The following PARD3B variants were observed in gnomAD, a reference collection of about 807,000 sequenced individuals.
The protein encoded by PARD3B is par-3 family cell polarity regulator beta, also known as partitioning defective 3 homolog B.
PARD3B carries 103 observed loss-of-function variants against 130.2 expected under a neutral mutation model. The ratio of observed to expected loss-of-function variants is 0.79; its 90% CI spans 0.67 to 0.93. PARD3B has a LOEUF of 0.93. Ranked by LOEUF, PARD3B falls within the 40% of genes least tolerant of loss-of-function variation. The probability of loss-of-function intolerance (pLI) is 0.00; values close to 1 mark genes in which losing one functional copy is unlikely to be tolerated. For synonymous variants in PARD3B, 583 were observed against 553.2 expected, an observed-to-expected ratio of 1.05 and a Z score of -0.76; for missense variants, 1,609 against 1,499.2, an observed-to-expected ratio of 1.07 and a Z score of -1.21.
intron 13 of PARD3B, among the ~76,000 whole-genome samples, chr2:205,178,361 G>A (rs2035602285): frequency 6.6e-6 from 1 of 152,026 alleles, no homozygotes; most frequent in Non-Finnish European, 1.5e-5. Context: ...GCTGAGGCAG[G>A]AGAATGGTGT....
At chr2:204,692,906 T>C (rs552619923) in intron 2 of PARD3B, among the ~76,000 whole-genome samples, 2 of 152,062 alleles carry the variant, frequency 1.3e-5, no homozygotes, top group Non-Finnish European at 2.9e-5. Flanking sequence ...GGAAATATCC[T>C]ACCCAGGAAG....
chr2:205,003,135 A>G (rs1002605240), intron 3 of PARD3B, among the ~76,000 whole-genome samples: 5 of 152,302 alleles, frequency 3.3e-5, no homozygotes, highest in East Asian at 1.9e-4. Flanking sequence ...AAAGCCGGCA[A>G]TGGCCGTCCG....
intron 2 of PARD3B, among the ~76,000 whole-genome samples, chr2:204,896,314 G>A (rs1046955003): frequency 2.0e-5 from 3 of 152,138 alleles, no homozygotes; most frequent in African/African-American, 7.2e-5. Context: ...GAGGAAGTTG[G>A]TCTTGGCCTC....
intron 16 of PARD3B, among the ~76,000 whole-genome samples, chr2:205,295,289 C>G (rs1478380642): frequency 6.6e-6 from 1 of 152,160 alleles, no homozygotes; most frequent in Non-Finnish European, 1.5e-5. Flanking sequence ...GTTGACTGCT[C>G]ATAATAAGGC....
chr2:204,946,800 G>T (rs1689364036), intron 2 of PARD3B, among the ~76,000 whole-genome samples: 1 of 152,166 alleles, frequency 6.6e-6, no homozygotes, highest in African/African-American at 2.4e-5. Context: ...CAGATAGCCT[G>T]AGTACCAGGA....
chr2:205,313,121 G>A (rs994390001), intron 18 of PARD3B, among the ~76,000 whole-genome samples: 2 of 152,104 alleles, frequency 1.3e-5, no homozygotes, highest in African/African-American at 2.4e-5. Context: ...AAATGATGGC[G>A]ATAGATGCAA....
chr2:204,634,840 C>G (rs73984259), intron 1 of PARD3B, among the ~76,000 whole-genome samples: 7,978 of 152,156 alleles, frequency 0.052, 381 homozygotes, highest in African/African-American at 0.12. Flanking sequence ...TGGGGGCTCA[C>G]AAGATAGTCA....
chr2:204,586,207 A>G (rs759545293), intron 1 of PARD3B, among the ~76,000 whole-genome samples: 8 of 152,224 alleles, frequency 5.3e-5, no homozygotes, highest in Non-Finnish European at 1.0e-4. Context: ...GATTAATTCC[A>G]TCATAAATGC....
intron 2 of PARD3B, among the ~76,000 whole-genome samples, chr2:204,798,468 G>A (rs1293348430): frequency 6.6e-6 from 1 of 152,158 alleles, no homozygotes; most frequent in South Asian, 2.1e-4. Context: ...AGGCCACAAG[G>A]ACTGCAATTC....
At chr2:204,965,948 C>G (rs1218376113) in intron 3 of PARD3B, among the ~76,000 whole-genome samples, 1 of 152,094 alleles carries the variant, frequency 6.6e-6, no homozygotes, top group African/African-American at 2.4e-5. Flanking sequence ...ATAAATTTAG[C>G]TCAATTTAAC....
intron 15 of PARD3B, among the ~76,000 whole-genome samples, chr2:205,226,853 A>G (rs1011615444): frequency 1.3e-5 from 2 of 152,076 alleles, no homozygotes; most frequent in African/African-American, 4.8e-5. Context: ...GCCTTTTGTG[A>G]TATGACATAG....
Position 205,121,565 on chromosome 2 carries a change from C to G in PARD3B, c.807-26C>G, listed in dbSNP as rs148046878. The G allele has an allele frequency of 0.031, 50,168 of 1,596,080 alleles. 1,137 individuals carry two copies. The highest frequency in any genetic ancestry group is 0.033 in the Non-Finnish European group (38,931 of 1,166,190). On this transcript the variant is annotated intron_variant, in intron 7 of 22. Transcript: ENST00000406610. This position sits in a 1 kb window ranked among gnomAD's most constrained non-coding sequence, Gnocchi z 5.0. ...ATGCTGCACCTCAAAGCAGGGTCAT[C>G]ATACATTTATCAACTTTCTTTCCAG... is the stretch of plus-strand genomic sequence containing the variant.
intron 18 of PARD3B, among the ~76,000 whole-genome samples, chr2:205,399,890 G>A (rs555336848): frequency 3.3e-5 from 5 of 152,240 alleles, no homozygotes; most frequent in African/African-American, 1.2e-4. Flanking sequence ...GCATTAGAGA[G>A]TGATTGTGCA....
chr2:205,070,387 C>G (rs1274166291), intron 4 of PARD3B, among the ~76,000 whole-genome samples: 1 of 151,804 alleles, frequency 6.6e-6, no homozygotes, highest in Non-Finnish European at 1.5e-5. Context: ...AACACTGCAT[C>G]TAGTTGCTAT....
intron 19 of PARD3B, among the ~76,000 whole-genome samples, chr2:205,436,236 G>A (rs2047511197): frequency 6.6e-6 from 1 of 152,110 alleles, no homozygotes; most frequent in Non-Finnish European, 1.5e-5. Context: ...TACCACAATG[G>A]AGACTGTATA....
chr2:204,767,149 C>A (rs1300920961), intron 2 of PARD3B, among the ~76,000 whole-genome samples: 3 of 64,930 alleles, frequency 4.6e-5, no homozygotes, highest in East Asian at 5.0e-4. Context: ...TCCCTCCCCC[C>A]TCCCCCGACC....
At chr2:205,197,029 G>GC (rs1250617687) in intron 15 of PARD3B, among the ~76,000 whole-genome samples, 1 of 17,342 alleles carries the variant, frequency 5.8e-5, no homozygotes, top group South Asian at 1.5e-3. Context: ...ACTGTGGGGG[G>GC]GGGGTGTGTG....
intron 2 of PARD3B, among the ~76,000 whole-genome samples, chr2:204,796,929 C>T (rs546638608): frequency 6.6e-6 from 1 of 152,044 alleles, no homozygotes; most frequent in Non-Finnish European, 1.5e-5. Flanking sequence ...AATCTTAGCA[C>T]TTTGGGAGGT....
At chr2:205,312,225 G>A (rs2042412845) in intron 18 of PARD3B, among the ~76,000 whole-genome samples, 1 of 152,178 alleles carries the variant, frequency 6.6e-6, no homozygotes, top group South Asian at 2.1e-4. Flanking sequence ...TGGGTATGAA[G>A]GGTAACTGAG....
Sources: gnomAD v4.1 joint callset for allele counts (sites outside exome capture counted in the v4.1 genomes callset) on GRCh38, gnomAD v4.1.1 for gene constraint, Gnocchi (gnomAD v3.1) non-coding constraint, MANE v1.5 for transcripts, NCBI Gene and HGNC (gene_info 2026-07-23, HGNC 2026-07-21) for gene names.